IGFL2: variants seen among roughly 807,000 people sequenced by gnomAD.
IGFL2 encodes the protein IGF like family member 2.
IGFL2 carries 7 observed loss-of-function variants against 13.9 expected under a neutral mutation model. That is an observed-to-expected ratio of 0.51 (90% CI 0.29 to 0.95). The LOEUF (loss-of-function observed/expected upper bound fraction) is 0.95, where lower values mean the gene tolerates loss of function less well. Ranked by LOEUF, IGFL2 falls within the 40% of genes least tolerant of loss-of-function variation. IGFL2 has a pLI of 0.08. For missense variants in IGFL2, 138 were observed against 147.8 expected (o/e 0.93, Z 0.34); for synonymous variants, 55 against 55.8 (o/e 0.99, Z 0.07).
At chr19:46,124,201 C>A in the IGFL2 span, 2 of 1,609,674 alleles carry the variant, frequency 1.2e-6, no homozygotes, top group Non-Finnish European at 1.7e-6. Context: ...AGAACAGATA[C>A]TCAATTCCCA....
upstream of IGFL2, among the ~76,000 whole-genome samples, chr19:46,146,992 T>C (rs968084415): frequency 5.3e-5 from 8 of 152,124 alleles, no homozygotes; most frequent in Admixed American, 4.6e-4. Flanking sequence ...ATAGTGATGG[T>C]GACAATAAAA....
At chr19:46,210,926 A>C in the IGFL2 span, among the ~76,000 whole-genome samples, 76 of 152,366 alleles carry the variant, frequency 5.0e-4, 2 homozygotes, top group African/African-American at 1.8e-3. Context: ...TCTGGTCTGC[A>C]GAGGCTGGAA....
At chr19:46,170,357 C>T in the IGFL2 span, among the ~76,000 whole-genome samples, 1 of 152,336 alleles carries the variant, frequency 6.6e-6, no homozygotes, top group Admixed American at 6.5e-5. Flanking sequence ...TTATAATTTC[C>T]TATGCCTATC....
the IGFL2 span, among the ~76,000 whole-genome samples, chr19:46,177,211 A>G: frequency 6.6e-6 from 1 of 152,052 alleles, no homozygotes; most frequent in Non-Finnish European, 1.5e-5. Flanking sequence ...CCTGGCCAAC[A>G]TGGTGAAACC....
upstream of IGFL2, among the ~76,000 whole-genome samples, chr19:46,144,353 C>A (rs1294703904): frequency 1.3e-5 from 2 of 152,188 alleles, no homozygotes; most frequent in Non-Finnish European, 2.9e-5. Flanking sequence ...TGGCAGTCGA[C>A]CCTCAAGTCA....
At chr19:46,089,679 A>C in the IGFL2 span, among the ~76,000 whole-genome samples, 148 of 150,534 alleles carry the variant, frequency 9.8e-4, no homozygotes, top group African/African-American at 3.5e-3. Context: ...CTGCACTTTG[A>C]ACTCTCTCAG....
chr19:46,201,203 C>T, the IGFL2 span, among the ~76,000 whole-genome samples: 4 of 152,212 alleles, frequency 2.6e-5, no homozygotes, highest in African/African-American at 9.6e-5. Context: ...CCCTCCTCTC[C>T]ACCCTCCTCA....
the IGFL2 span, chr19:46,123,779 G>A: frequency 7.9e-7 from 1 of 1,272,186 alleles, no homozygotes; most frequent in South Asian, 1.5e-5. Flanking sequence ...CCACCAGCCT[G>A]ACTCTTTTGC....
At chr19:46,142,758 G>A (rs1005510840), upstream of IGFL2, among the ~76,000 whole-genome samples, 2 of 152,196 alleles carry the variant, frequency 1.3e-5, no homozygotes, top group African/African-American at 4.8e-5. Context: ...GAGAGCTGCT[G>A]ACATTGGCTA....
intron 1 of IGFL2, chr19:46,159,377 G>C (rs898078667): frequency 1.2e-4 from 19 of 152,332 alleles, no homozygotes; most frequent in African/African-American, 4.3e-4. Flanking sequence ...CGGTGGTACT[G>C]GAGGCCATGA....
At chr19:46,124,175 G>C in the IGFL2 span, 1 of 1,609,918 alleles carries the variant, frequency 6.2e-7, no homozygotes, top group Non-Finnish European at 8.5e-7. Flanking sequence ...AGACATTGAT[G>C]GTGTACATCC....
At chr19:46,190,751 G>A in the IGFL2 span, among the ~76,000 whole-genome samples, 2 of 152,214 alleles carry the variant, frequency 1.3e-5, no homozygotes, top group African/African-American at 4.8e-5. Context: ...CCCATGGGGG[G>A]TGGGGGTTGA....
the IGFL2 span, among the ~76,000 whole-genome samples, chr19:46,185,338 G>A: frequency 6.6e-6 from 1 of 152,198 alleles, no homozygotes; most frequent in African/African-American, 2.4e-5. Flanking sequence ...CTTAGGGTGG[G>A]CCATGCCTCC....
chr19:46,163,191 G>A (rs1974242449), downstream of IGFL2, among the ~76,000 whole-genome samples: 1 of 152,192 alleles, frequency 6.6e-6, no homozygotes, highest in African/African-American at 2.4e-5. Flanking sequence ...ACAATGCTCT[G>A]AAAGTGTGGG....
the IGFL2 span, among the ~76,000 whole-genome samples, chr19:46,097,345 G>A: frequency 2.6e-5 from 4 of 152,130 alleles, no homozygotes; most frequent in African/African-American, 7.2e-5. Flanking sequence ...TTGTATTTCT[G>A]CAGGGTCAGT....
chr19:46,082,677 G>A, the IGFL2 span, among the ~76,000 whole-genome samples: 829 of 151,524 alleles, frequency 5.5e-3, 4 homozygotes, highest in Non-Finnish European at 9.0e-3. Flanking sequence ...CAGCTGGAGC[G>A]CAGTGGTGCA....
the IGFL2 span, among the ~76,000 whole-genome samples, chr19:46,096,185 T>C: frequency 6.6e-6 from 1 of 152,222 alleles, no homozygotes; most frequent in Non-Finnish European, 1.5e-5. Flanking sequence ...TTGTGTCCTC[T>C]CTGATTTCCT....
chr19:46,204,455 T>A, the IGFL2 span, among the ~76,000 whole-genome samples: 2 of 152,178 alleles, frequency 1.3e-5, no homozygotes. Context: ...CAACAGATGT[T>A]GGAGTTTACT....
At chr19:46,120,802 G>C in the IGFL2 span, among the ~76,000 whole-genome samples, 1 of 150,794 alleles carries the variant, frequency 6.6e-6, no homozygotes, top group African/African-American at 2.5e-5. Context: ...TATTAAGAGA[G>C]TAAATTTCAA....
Sources: gnomAD v4.1 joint callset for allele counts (sites outside exome capture counted in the v4.1 genomes callset) on GRCh38, gnomAD v4.1.1 for gene constraint, MANE v1.5 for transcripts, NCBI Gene and HGNC (gene_info 2026-07-23, HGNC 2026-07-21) for gene names.